The following STRIP2 variants were observed in gnomAD, a reference collection of about 807,000 sequenced individuals.
STRIP2 encodes striatin interacting protein 2, also known as striatin-interacting protein 2.
STRIP2 carries 84 observed loss-of-function variants against 107.1 expected under a neutral mutation model. The ratio of observed to expected loss-of-function variants is 0.78; its 90% confidence interval spans 0.66 to 0.94. The LOEUF (loss-of-function observed/expected upper bound fraction) is 0.94. STRIP2 is among the 40% of genes least tolerant of loss of function. The probability of loss-of-function intolerance (pLI) is 0.00; values close to 1 mark genes in which losing one functional copy is unlikely to be tolerated. For missense variants in STRIP2, 888 were observed against 1,034.2 expected (o/e 0.86, Z 1.94); for synonymous variants, 394 against 400.4 (o/e 0.98, Z 0.19).
intron 19 of STRIP2, 80 bp downstream of exon 19, chr7:129,480,969 C>G: frequency 8.9e-7 from 1 of 1,117,942 alleles, no homozygotes; most frequent in Non-Finnish European, 1.3e-6. Flanking sequence ...TTGTGTGCTA[C>G]CTGGTTTGTG....
chr7:129,436,040 A>T (rs527751624), intron 1 of STRIP2, among the ~76,000 whole-genome samples: 1 of 152,254 alleles, frequency 6.6e-6, no homozygotes, highest in South Asian at 2.1e-4. Flanking sequence ...TACCCGCCAC[A>T]TCATCTCCCT....
chr7:129,442,133 G>A (rs899472547), intron 2 of STRIP2, among the ~76,000 whole-genome samples: 2 of 152,168 alleles, frequency 1.3e-5, no homozygotes, highest in East Asian at 3.8e-4. Flanking sequence ...GCTGAGACAG[G>A]AGAATTGCCT....
Position 129,482,923 on chromosome 7 carries a change from A to C in STRIP2, c.2131A>C (p.Lys711Gln), listed in dbSNP as rs758067987. The C allele has an allele frequency of 2.5e-6, 4 of 1,614,166 alleles. No homozygotes were observed. Among genetic ancestry groups the C allele is most frequent in the Admixed American group, 1.7e-5 (1 of 60,020 alleles). ...KQAMLQLYVL[K>Q]LLKLQTKYLG... Reference sequence around the variant, plus strand: ...GGCCATGCTGCAACTTTATGTCCTAAAGCTACTAAAGTTACAGACCAAGTA... The same window carrying C: ...GGCCATGCTGCAACTTTATGTCCTACAGCTACTAAAGTTACAGACCAAGTA... The change falls in exon 20 of 21, where the codon AAG (lysine) becomes CAG (glutamine). Residue 711 changes from lysine to glutamine, a missense_variant. Transcript: ENST00000249344.
intron 20 of STRIP2, 119 bp from the exon 21 acceptor site, chr7:129,485,460 A>G: frequency 8.4e-7 from 1 of 1,192,418 alleles, no homozygotes; most frequent in Non-Finnish European, 1.1e-6. Flanking sequence ...CTTTACAAAA[A>G]AAAAAAAAAA....
intron 1 of STRIP2, among the ~76,000 whole-genome samples, chr7:129,436,608 T>C (rs1181785626): frequency 6.6e-6 from 1 of 152,218 alleles, no homozygotes; most frequent in African/African-American, 2.4e-5. Context: ...AGGACTCCTT[T>C]TACCTGCCAG....
At chr7:129,439,620 C>T (rs1440542610) in intron 1 of STRIP2, among the ~76,000 whole-genome samples, 2 of 152,118 alleles carry the variant, frequency 1.3e-5, no homozygotes, top group Non-Finnish European at 2.9e-5. Flanking sequence ...TGATCTATAT[C>T]ATACAGTGGG....
At chr7:129,485,470 A>G (rs940820733) in intron 20 of STRIP2, 109 bp from the exon 21 acceptor site, 2 of 1,276,360 alleles carry the variant, frequency 1.6e-6, no homozygotes, top group Non-Finnish European at 1.1e-6. Context: ...AAAAAAAAAA[A>G]AAGAATTTCT....
intron 19 of STRIP2, 43 bp downstream of exon 19, chr7:129,480,932 A>G: frequency 6.7e-7 from 1 of 1,488,260 alleles, no homozygotes; most frequent in Non-Finnish European, 9.3e-7. Context: ...CATCTGACTG[A>G]ATTTTTAAAA....
chr7:129,481,498 AAAT>A (rs145902870), intron 19 of STRIP2, among the ~76,000 whole-genome samples: 2 of 151,560 alleles, frequency 1.3e-5, no homozygotes, highest in Non-Finnish European at 1.5e-5. Context: ...CTCCGTCTCA[AAAT>A]AATAATAATA....
chr7:129,486,235 C>A lies in STRIP2; in HGVS notation c.*406C>A. On this transcript the variant is annotated 3_prime_UTR_variant, in exon 21 of 21. Transcript: ENST00000249344. The stretch of plus-strand genomic sequence containing the variant: ...GTTTTCTTCTTGCTCACACTGGATT[C>A]CTAGGACTTATCAGAGATTTGGAAA... 6.2e-6 allele frequency: 1 copy of A among 161,892 alleles called. No individual in the cohort carries two copies. Among genetic ancestry groups the A allele is most frequent in the Non-Finnish European group, 1.4e-5 (1 of 73,398 alleles). The allele number at this position is 161,892 out of a possible 1,614,324, so 10.0% of individuals were successfully genotyped here. A position where few individuals can be genotyped will look rare whatever the true frequency, so the allele number is the denominator to read the frequency against.
intron 3 of STRIP2, among the ~76,000 whole-genome samples, chr7:129,447,216 TG>T (rs1798061761): frequency 6.6e-6 from 1 of 152,090 alleles, no homozygotes; most frequent in Non-Finnish European, 1.5e-5. Context: ...AAAAACTGGG[TG>T]GGGTCCAGAT....
At chr7:129,464,565 C>T (rs747521873) in intron 15 of STRIP2, 47 bp from the exon 16 acceptor site, 2 of 1,610,038 alleles carry the variant, frequency 1.2e-6, no homozygotes, top group Middle Eastern at 1.7e-4. Flanking sequence ...CTACAGGGCT[C>T]CCTTTAAGGC....
intron 3 of STRIP2, among the ~76,000 whole-genome samples, chr7:129,447,313 G>T (rs1348778292): frequency 1.3e-5 from 2 of 152,348 alleles, no homozygotes; most frequent in East Asian, 3.9e-4. Flanking sequence ...CTTCTTGGTT[G>T]TAGGAGGGGC....
At position 129,456,541 on chromosome 7, in the gene STRIP2, A is replaced by G. The variant is rs1798359391; in HGVS notation, c.937A>G (p.Ser313Gly). 1 of 1,613,988 alleles carries G rather than the reference A, an allele frequency of 6.2e-7. No homozygotes were observed. Among genetic ancestry groups the G allele is most frequent in the East Asian group, 2.2e-5 (1 of 44,868 alleles). The change falls in exon 9 of 21, where the codon AGC becomes GGC. Residue 313 changes from serine to glycine, a missense_variant. Transcript: ENST00000249344. ...LAEDSIQVVK[S>G]MRAASPPSYT... ...TGAAGACAGTATCCAGGTGGTGAAG[A>G]GCATGCGTGCTGCCTCCCCGCCCTC... is the stretch of plus-strand genomic sequence containing the variant.
At chr7:129,435,750 A>G (rs759169583) in intron 1 of STRIP2, among the ~76,000 whole-genome samples, 2 of 152,228 alleles carry the variant, frequency 1.3e-5, no homozygotes, top group Non-Finnish European at 2.9e-5. Flanking sequence ...TAGTCAGTAC[A>G]TAGTAACTCT....
intron 16 of STRIP2, 107 bp from the exon 17 acceptor site, chr7:129,467,243 A>G: frequency 1.3e-6 from 1 of 793,026 alleles, no homozygotes; most frequent in Non-Finnish European, 2.1e-6. Flanking sequence ...TGGATAGTAG[A>G]TATTCTCAGG....
At chr7:129,460,039 T>A (rs117451770) in intron 12 of STRIP2, among the ~76,000 whole-genome samples, 2,046 of 152,278 alleles carry the variant, frequency 0.013, 17 homozygotes, top group Non-Finnish European at 0.021. Context: ...TGCACTTTAT[T>A]TGAAGATAAA....
chr7:129,464,232 A>C (rs900057682), intron 15 of STRIP2, 91 bp downstream of exon 15: 8 of 973,636 alleles, frequency 8.2e-6, no homozygotes, highest in Non-Finnish European at 1.3e-5. Flanking sequence ...ACACTTACAG[A>C]GATTGTCTCC....
chr7:129,481,012 G>T, intron 19 of STRIP2, 123 bp downstream of exon 19: 1 of 655,824 alleles, frequency 1.5e-6, no homozygotes, highest in Non-Finnish European at 2.6e-6. Flanking sequence ...TGCTACATAA[G>T]ATTTAGCACC....
Sources: gnomAD v4.1 joint callset for allele counts (sites outside exome capture counted in the v4.1 genomes callset) on GRCh38, gnomAD v4.1.1 for gene constraint, MANE v1.5 for transcripts, NCBI Gene and HGNC (gene_info 2026-07-23, HGNC 2026-07-21) for gene names.